ANKRD17: variants seen among roughly 807,000 people sequenced by gnomAD.
ANKRD17 encodes ankyrin repeat domain 17.
A neutral mutation model predicts 229.7 loss-of-function variants in ANKRD17; 19 were observed. That is an observed-to-expected ratio of 0.08 (90% CI 0.06 to 0.12). The LOEUF is 0.12. Among genes scored for constraint, ANKRD17 ranks in the 10% least tolerant of loss-of-function variants. ANKRD17 has a pLI of 1.00. For missense variants in ANKRD17, 2,176 were observed against 3,176.8 expected (o/e 0.68, Z 7.57); for synonymous variants, 1,112 against 1,146.1 (o/e 0.97, Z 0.60).
At chr4:73,238,872 G>A (rs1005703722) in intron 1 of ANKRD17, among the ~76,000 whole-genome samples, 1 of 152,104 alleles carries the variant, frequency 6.6e-6, no homozygotes. Context: ...CACTTACTGT[G>A]ACCTTGAACA....
At chr4:73,252,379 CTTT>C (rs1745105023) in intron 1 of ANKRD17, among the ~76,000 whole-genome samples, 2 of 152,228 alleles carry the variant, frequency 1.3e-5, no homozygotes, top group African/African-American at 4.8e-5. Context: ...AATAAGCCTT[CTTT>C]GTTACCACAT....
rs190615188 is a variant in ANKRD17, at chr4:73,098,698, C to T, written c.4574-178G>A. 35 of 858,742 alleles carry T rather than the reference C, an allele frequency of 4.1e-5. No homozygotes were observed. The Middle Eastern group carries it at 2.0e-3, about 49-fold the overall frequency. 53.2% of individuals were successfully genotyped at this position (858,742 alleles called of 1,614,324 possible). ...AGGACTGATATACTCTGTGTACCCA[C>T]GTTCTGTTCAAAGAATAGCAGGTAG... is the stretch of plus-strand genomic sequence containing the variant. On this transcript the variant is annotated intron_variant, in intron 25 of 33. Transcript: ENST00000358602.
At chr4:73,175,644 TA>T (rs1389383120) in intron 2 of ANKRD17, among the ~76,000 whole-genome samples, 2 of 152,258 alleles carry the variant, frequency 1.3e-5, no homozygotes, top group Middle Eastern at 3.4e-3. Flanking sequence ...AACCCAGGAA[TA>T]AATCCATACA....
chr4:73,144,160 A>C (rs1482646902), intron 11 of ANKRD17, among the ~76,000 whole-genome samples: 5 of 152,208 alleles, frequency 3.3e-5, no homozygotes, highest in African/African-American at 9.6e-5. Context: ...AAGCACGTTA[A>C]GAAACAATTT....
intron 1 of ANKRD17, among the ~76,000 whole-genome samples, chr4:73,214,160 C>T (rs1157357366): frequency 2.6e-5 from 4 of 152,148 alleles, no homozygotes; most frequent in African/African-American, 9.7e-5. Context: ...CACAGATTTC[C>T]ACACAAGGTT....
intron 16 of ANKRD17, among the ~76,000 whole-genome samples, chr4:73,132,361 G>A (rs906200194): frequency 3.9e-5 from 6 of 152,102 alleles, no homozygotes; most frequent in Non-Finnish European, 5.9e-5. Context: ...CATCCACCTC[G>A]GCCTCCCAGA....
In ANKRD17 at chr4:73,171,182, A is replaced by AGAGG. The variant is rs1310339373; in HGVS notation, c.547+6197_547+6198insCCTC. Among the ~76,000 whole-genome samples, 180 of 55,024 alleles carry AGAGG rather than the reference A, an allele frequency of 3.3e-3. 2 individuals carry two copies. Among genetic ancestry groups the AGAGG allele is most frequent in the African/African-American group, 0.013 (173 of 13,484 alleles). The allele number at this position is 55,024 out of a possible 152,430, so 36.1% of individuals were successfully genotyped here. A position where few individuals can be genotyped will look rare whatever the true frequency, so the allele number is the denominator to read the frequency against. On this transcript the variant is annotated intron_variant, in intron 2 of 33. Transcript: ENST00000358602. Reference sequence around the variant, plus strand: ...GCTCCACATGGCTCAGAGGGGGGAGAGAGAGAGAGAGAGAGAGAGAGAGAG... The same window carrying AGAGG: ...GCTCCACATGGCTCAGAGGGGGGAGAGAGGGAGAGAGAGAGAGAGAGAGAGAGAG...
intron 1 of ANKRD17, among the ~76,000 whole-genome samples, chr4:73,224,272 C>T (rs974271193): frequency 2.0e-5 from 3 of 152,130 alleles, no homozygotes; most frequent in African/African-American, 4.8e-5. Context: ...GTTTTATGCT[C>T]TAAACTGAGA....
chr4:73,080,367 A>G (rs1018767330), intron 30 of ANKRD17, among the ~76,000 whole-genome samples: 1 of 152,224 alleles, frequency 6.6e-6, no homozygotes, highest in Non-Finnish European at 1.5e-5. Context: ...ATGAAGGAAC[A>G]GCATAATTCA....
chr4:73,148,583 C>T (rs531738712), intron 8 of ANKRD17, among the ~76,000 whole-genome samples: 1 of 152,092 alleles, frequency 6.6e-6, no homozygotes, highest in Non-Finnish European at 1.5e-5. Context: ...TTCTGTTTTT[C>T]GTTCACATAT....
intron 1 of ANKRD17, among the ~76,000 whole-genome samples, chr4:73,187,594 T>C (rs1187398290): frequency 6.6e-6 from 1 of 152,208 alleles, no homozygotes; most frequent in South Asian, 2.1e-4. Context: ...TAGAGGGGAC[T>C]TAAACTCTCA....
At position 73,144,824 on chromosome 4, in the gene ANKRD17, T is replaced by C; in HGVS notation, c.1878A>G (p.Glu626=). Residue 626 remains glutamate, a synonymous_variant, in exon 11 of 34, where the codon GAA becomes GAG. Transcript: ENST00000358602. ...TTAAAGGAGTTCTTCCACCTTCAGA[T>C]TCATGTTCCTGTTTAAAAAAAAAAA... is the stretch of plus-strand genomic sequence containing the variant. The part of the protein sequence containing the change: ...LLQAGADLEH[E]SEGGRTPLMK... The C allele has an allele frequency of 6.3e-7, 1 of 1,591,132 alleles. No homozygotes were observed.
In ANKRD17 at chr4:73,146,768, T is replaced by C. The variant is rs1730335979; in HGVS notation, c.1865A>G (p.Asp622Gly). The C allele has an allele frequency of 1.2e-6, 2 of 1,601,060 alleles. No individual in the cohort carries two copies. Among genetic ancestry groups the C allele is most frequent in the Non-Finnish European group, 1.7e-6 (2 of 1,170,930 alleles). ...TTAAAAAGTAACATAGCTTACCAGATCTGCGCCTGCCTGAAGTAAGACATC... is the reference window on the plus strand; with the variant it reads ...TTAAAAAGTAACATAGCTTACCAGACCTGCGCCTGCCTGAAGTAAGACATC... Reference protein sequence around the residue: ...VADVLLQAGADLEHESEGGRT... With the variant: ...VADVLLQAGAGLEHESEGGRT... Residue 622 changes from aspartate to glycine, a missense_variant, in exon 10 of 34, where the codon GAT becomes GGT. By Grantham distance (94) the Asp-to-Gly change is moderately conservative. This residue lies in a region of ANKRD17 where 275 missense variants were observed against 386.9 expected (regional missense o/e 0.71). Coordinates refer to ENST00000358602, the MANE Select transcript of ANKRD17 (RefSeq NM_032217.5).
rs757005707 is a variant in ANKRD17, at chr4:73,125,283, T to C, written c.3264A>G (p.Thr1088=). The part of the protein sequence containing the change: ...QTESNHDTAL[T]LACAGGHEEL... ...CCTCGTGGCCACCAGCACAGGCAAG[T>C]GTTAGTGCCGTGTCATGATTACTCT... Residue 1088 remains threonine, a synonymous_variant, in exon 17 of 34, where the codon ACA becomes ACG. Transcript: ENST00000358602. The C allele has an allele frequency of 6.2e-7, 1 of 1,613,774 alleles. No individual in the cohort carries two copies. The highest frequency in any genetic ancestry group is 8.5e-7 in the Non-Finnish European group (1 of 1,179,804).
intron 21 of ANKRD17, among the ~76,000 whole-genome samples, chr4:73,119,625 A>C (rs549883359): frequency 6.6e-6 from 1 of 152,348 alleles, no homozygotes; most frequent in East Asian, 1.9e-4. Flanking sequence ...GCCAAATACT[A>C]CTGCTTAGAA....
intron 1 of ANKRD17, among the ~76,000 whole-genome samples, chr4:73,230,183 T>C (rs1466253438): frequency 6.6e-6 from 1 of 152,106 alleles, no homozygotes; most frequent in Non-Finnish European, 1.5e-5. Context: ...AGGATATATG[T>C]AAGAAAGGAC....
At chr4:73,164,617 C>T (rs1732986155) in intron 2 of ANKRD17, among the ~76,000 whole-genome samples, 1 of 151,910 alleles carries the variant, frequency 6.6e-6, no homozygotes, top group Admixed American at 6.5e-5. Context: ...ATGGTGAAAC[C>T]CCGTCTCTAC....
chr4:73,130,883 G>A (rs1019818279), intron 16 of ANKRD17, among the ~76,000 whole-genome samples: 2 of 151,982 alleles, frequency 1.3e-5, no homozygotes, highest in South Asian at 2.1e-4. Context: ...CTTCAAGTCA[G>A]AATTATTGTT....
chr4:73,258,175 T>A (rs1452924021), intron 1 of ANKRD17, 101 bp downstream of exon 1: 1 of 1,565,136 alleles, frequency 6.4e-7, no homozygotes, highest in African/African-American at 1.4e-5. Context: ...CCCTAAGAGA[T>A]CAACCCACTG....
Sources: allele counts gnomAD v4.1 joint callset (sites outside exome capture counted in the v4.1 genomes callset), GRCh38; gene constraint gnomAD v4.1.1; regional missense constraint gnomAD v4.1.1; transcripts MANE v1.5; gene names NCBI Gene and HGNC (gene_info 2026-07-23, HGNC 2026-07-21).